KLRB1: variants seen among roughly 807,000 people sequenced by gnomAD.
KLRB1 encodes the protein killer cell lectin-like receptor subfamily B member 1.
Under a neutral mutation model 33.5 loss-of-function variants are expected in KLRB1, and 27 were observed. That is an observed-to-expected ratio of 0.81 (90% CI 0.59 to 1.11). The LOEUF is 1.11. KLRB1 is among the 50% of genes most tolerant of loss of function. The pLI, the probability that KLRB1 is intolerant of heterozygous loss-of-function variation, is 0.00. For synonymous variants in KLRB1, 64 were observed against 88.9 expected, an observed-to-expected ratio of 0.72 and a Z score of 1.58; for missense variants, 241 against 254.1, an observed-to-expected ratio of 0.95 and a Z score of 0.35.
chr12:9,601,443 A>T, intron 2 of KLRB1, 58 bp downstream of exon 2: 1 of 1,301,772 alleles, frequency 7.7e-7, no homozygotes, highest in Non-Finnish European at 1.1e-6. Context: ...GAGATGCTCT[A>T]AGATACGTAA....
Position 9,598,624 on chromosome 12 carries a change from A to G in KLRB1, c.289T>C (p.Tyr97His), listed in dbSNP as rs1354137209. The G allele has an allele frequency of 1.9e-6, 3 of 1,612,972 alleles. No homozygotes were observed. The highest frequency in any genetic ancestry group is 1.1e-5 in the South Asian group (1 of 90,980). ...ERPGLLNCPI[Y>H]WQQLREKCLL... Reference sequence around the variant, plus strand: ...CATTTCTCTCGGAGTTGCTGCCAATATATTGGGCAGTTTAAGAGACCCGGT... The same window carrying G: ...CATTTCTCTCGGAGTTGCTGCCAATGTATTGGGCAGTTTAAGAGACCCGGT... Residue 97 changes from tyrosine to histidine, a missense_variant, in exon 4 of 6, where the codon TAT becomes CAT. Transcript: ENST00000229402.
intron 1 of KLRB1, among the ~76,000 whole-genome samples, chr12:9,604,289 A>G (rs1176351475): frequency 1.3e-5 from 2 of 152,192 alleles, no homozygotes; most frequent in African/African-American, 4.8e-5. Context: ...ATCTCATTTC[A>G]TTATTCTAAA....
chr12:9,603,617 A>G (rs1864568831), intron 1 of KLRB1, among the ~76,000 whole-genome samples: 1 of 124,306 alleles, frequency 8.0e-6, no homozygotes, highest in Admixed American at 8.4e-5. Flanking sequence ...TTTTTTTTTT[A>G]GTAGAGACGG....
Position 9,598,673 on chromosome 12 carries a change from TAAG to T in KLRB1, c.260-23_260-21del. The T allele has an allele frequency of 6.3e-7, 1 of 1,583,846 alleles. No homozygotes were observed. The highest frequency in any genetic ancestry group is 8.6e-7 in the Non-Finnish European group (1 of 1,159,284). ...GTCTCTCTAAAGTAAAAAACAGAAA[TAAG>T]AAATAAATGTTATATTTCTAACCTA... On this transcript the variant is annotated intron_variant, in intron 3 of 5. Coordinates refer to ENST00000229402, the MANE Select transcript of KLRB1 (RefSeq NM_002258.3).
At chr12:9,599,877 G>T (rs994539422) in intron 2 of KLRB1, 36 bp from the exon 3 acceptor site, 2 of 1,169,308 alleles carry the variant, frequency 1.7e-6, no homozygotes, top group Non-Finnish European at 2.6e-6. Context: ...ATTAAATGCT[G>T]AAATGTGTGG....
At position 9,598,533 on chromosome 12, in the gene KLRB1, G is replaced by T. The variant is rs748093407; in HGVS notation, c.380C>A (p.Ser127Tyr). 1.9e-6 allele frequency: 3 copies of T among 1,612,374 alleles called. No individual in the cohort carries two copies. Among genetic ancestry groups the T allele is most frequent in the Admixed American group, 3.3e-5 (2 of 59,736 alleles). ...NSLADCSTKESSLLLIRDKDE... is the reference protein window; with the variant it reads ...NSLADCSTKEYSLLLIRDKDE... ...CTTATCTCGAATAAGCAGCAGGCTG[G>T]ATTCTTTGGTGGAACAATCAGCTAG... Residue 127 changes from serine to tyrosine, a missense_variant, in exon 4 of 6, where the codon TCC becomes TAC. Ser to Tyr is a moderately radical substitution (Grantham distance 144). Coordinates refer to ENST00000229402, the MANE Select transcript of KLRB1 (RefSeq NM_002258.3).
intron 1 of KLRB1, among the ~76,000 whole-genome samples, chr12:9,606,760 A>ATATATATAT (rs1336534922): frequency 4.7e-5 from 3 of 63,744 alleles, no homozygotes; most frequent in African/African-American, 2.5e-4. Flanking sequence ...ATATATATAT[A>ATATATATAT]TTTTTTTTTT....
At chr12:9,596,498 C>T (rs1469705053) in intron 5 of KLRB1, among the ~76,000 whole-genome samples, 2 of 152,100 alleles carry the variant, frequency 1.3e-5, no homozygotes, top group South Asian at 2.1e-4. Flanking sequence ...CCAAAATAAT[C>T]CTGTAAAAAA....
chr12:9,598,485 AT>A lies in KLRB1; in HGVS notation c.414+13del, dbSNP rs1864511854. ...GTGTTAAGTTTTATTAAGGTATTTT[AT>A]TTAATGATTTACCAATTCATCCTTA... On this transcript the variant is annotated intron_variant, in intron 4 of 5. Coordinates refer to ENST00000229402, the MANE Select transcript of KLRB1 (RefSeq NM_002258.3). 1 of 1,599,800 alleles carries A rather than the reference AT, an allele frequency of 6.3e-7. No homozygotes were observed. Among genetic ancestry groups the A allele is most frequent in the African/African-American group, 1.4e-5 (1 of 73,936 alleles).
chr12:9,606,756 A>ATTTTTTTTTTTTTTTTTTTTTTTTTT (rs1188705968), intron 1 of KLRB1, among the ~76,000 whole-genome samples: 2 of 31,536 alleles, frequency 6.3e-5, no homozygotes, highest in Non-Finnish European at 1.1e-4. Flanking sequence ...ATATATATAT[A>ATTTTTTTTTTTTTTTTTTTTTTTTTT]TATATTTTTT....
At chr12:9,603,581 T>A (rs10743785) in intron 1 of KLRB1, among the ~76,000 whole-genome samples, 7 of 151,060 alleles carry the variant, frequency 4.6e-5, no homozygotes, top group Admixed American at 2.0e-4. Context: ...TGCGCCACCA[T>A]GCCCGGCTAA....
At position 9,607,882 on chromosome 12, in the gene KLRB1, A is replaced by G. The variant is rs754217765; in HGVS notation, c.-43T>C. The stretch of plus-strand genomic sequence containing the variant: ...GGCATTAAACTTGTGTGTAAGAACA[A>G]ACTCTCAATTCTGTGAGGCAAAATC... On this transcript the variant is annotated 5_prime_UTR_variant, in exon 1 of 6. Transcript: ENST00000229402. 2.3e-5 allele frequency: 31 copies of G among 1,377,080 alleles called. No individual in the cohort carries two copies. Among genetic ancestry groups the G allele is most frequent in the Non-Finnish European group, 3.1e-5 (30 of 964,882 alleles). 85.3% of individuals were successfully genotyped at this position (1,377,080 alleles called of 1,614,324 possible). A position where few individuals can be genotyped will look rare whatever the true frequency, so the allele number is the denominator to read the frequency against.
intron 1 of KLRB1, 70 bp downstream of exon 1, chr12:9,607,685 C>T (rs1328404888): frequency 9.8e-7 from 1 of 1,025,230 alleles, no homozygotes; most frequent in Non-Finnish European, 1.5e-6. Flanking sequence ...GATTTAAAGC[C>T]ATAAATGTAA....
intron 1 of KLRB1, among the ~76,000 whole-genome samples, chr12:9,606,775 T>TTTTTTTTTTTTTTG (rs1864611163): frequency 8.0e-6 from 1 of 124,258 alleles, no homozygotes; most frequent in Non-Finnish European, 1.7e-5. Flanking sequence ...TTTTTTTTTT[T>TTTTTTTTTTTTTTG]TGAGATAGTC....
chr12:9,607,914 A>C lies in KLRB1; in HGVS notation c.-75T>G. ...AATTCTGTGAGGCAAAATCAGCAAA[A>C]GGAAGCTTTCTGCCTGCAGTACTTT... On this transcript the variant is annotated 5_prime_UTR_variant, in exon 1 of 6. Transcript: ENST00000229402. 1 of 1,035,918 alleles carries C rather than the reference A, an allele frequency of 9.7e-7. No homozygotes were observed. Among genetic ancestry groups the C allele is most frequent in the Non-Finnish European group, 1.5e-6 (1 of 655,416 alleles). 64.2% of individuals were successfully genotyped at this position (1,035,918 alleles called of 1,614,324 possible). A position where few individuals can be genotyped will look rare whatever the true frequency, so the allele number is the denominator to read the frequency against.
intron 5 of KLRB1, among the ~76,000 whole-genome samples, chr12:9,596,784 C>T (rs894048691): frequency 6.6e-6 from 1 of 152,146 alleles, no homozygotes; most frequent in Non-Finnish European, 1.5e-5. Context: ...AAGAAACACA[C>T]ACACAAACTA....
At chr12:9,599,250 A>G (rs1245927704) in intron 3 of KLRB1, among the ~76,000 whole-genome samples, 1 of 152,214 alleles carries the variant, frequency 6.6e-6, no homozygotes, top group Non-Finnish European at 1.5e-5. Flanking sequence ...GTTTTCTTAA[A>G]ACTTCCATTC....
intron 1 of KLRB1, 104 bp from the exon 2 acceptor site, chr12:9,601,703 AC>A (rs1267892987): frequency 2.8e-6 from 2 of 706,764 alleles, no homozygotes; most frequent in African/African-American, 3.5e-5. Flanking sequence ...ACTTGGGATA[AC>A]ATAGGGACAA....
Position 9,607,332 on chromosome 12 carries a change from T to TTTCCTTCCTTCCTTCC in KLRB1, c.85+422_85+423insGGAAGGAAGGAAGGAA, listed in dbSNP as rs200381621. Reference sequence around the variant, plus strand: ...TTCTTTCTTCTTTTCTTTCTCTTTCTTTCCTTTCTTTCTTTCTTTCTTCCT... The same window carrying TTTCCTTCCTTCCTTCC: ...TTCTTTCTTCTTTTCTTTCTCTTTCTTTCCTTCCTTCCTTCCTTCCTTTCTTTCTTTCTTTCTTCCT... On this transcript the variant is annotated intron_variant, in intron 1 of 5. Coordinates refer to ENST00000229402, the MANE Select transcript of KLRB1 (RefSeq NM_002258.3). Among the ~76,000 whole-genome samples the TTTCCTTCCTTCCTTCC allele has an allele frequency of 2.9e-3, 168 of 58,566 alleles. 3 individuals are homozygous for TTTCCTTCCTTCCTTCC. The highest frequency in any genetic ancestry group is 5.8e-3 in the East Asian group (8 of 1,382). 38.4% of individuals were successfully genotyped at this position (58,566 alleles called of 152,430 possible).
Sources: gnomAD v4.1 joint callset for allele counts (sites outside exome capture counted in the v4.1 genomes callset) on GRCh38, gnomAD v4.1.1 for gene constraint, MANE v1.5 for transcripts, NCBI Gene and HGNC (gene_info 2026-07-23, HGNC 2026-07-21) for gene names.